CTNNA3: variants seen among roughly 807,000 people sequenced by gnomAD.
CTNNA3 encodes the protein catenin alpha 3.
Under a neutral mutation model 95.7 loss-of-function variants are expected in CTNNA3, and 76 were observed. The observed-to-expected ratio is 0.79, with a 90% CI of 0.66 to 0.96. CTNNA3 has a LOEUF of 0.96. Among genes scored for constraint, CTNNA3 ranks in the 40% least tolerant of loss-of-function variants. The pLI is 0.00. For missense variants in CTNNA3, 1,191 were observed against 1,089.8 expected (o/e 1.09, Z -1.31); for synonymous variants, 431 against 374.4 (o/e 1.15, Z -1.74).
intron 10 of CTNNA3, among the ~76,000 whole-genome samples, chr10:66,548,712 TAAA>T (rs1842115209): frequency 6.6e-6 from 1 of 152,144 alleles, no homozygotes; most frequent in African/African-American, 2.4e-5. Flanking sequence ...TTAAATCAAT[TAAA>T]AATCAATTAC....
chr10:66,954,936 A>C (rs1589485252), intron 7 of CTNNA3, among the ~76,000 whole-genome samples: 1 of 152,294 alleles, frequency 6.6e-6, no homozygotes, highest in African/African-American at 2.4e-5. Context: ...CTCATATATA[A>C]AACGGAAGTA....
chr10:67,563,300 C>T (rs1841610038), intron 3 of CTNNA3, among the ~76,000 whole-genome samples: 1 of 152,160 alleles, frequency 6.6e-6, no homozygotes, highest in Non-Finnish European at 1.5e-5. Context: ...AGATATCAAC[C>T]AATGAAACAG....
At chr10:67,447,666 A>G (rs1263656921) in intron 5 of CTNNA3, among the ~76,000 whole-genome samples, 1 of 152,152 alleles carries the variant, frequency 6.6e-6, no homozygotes, top group Non-Finnish European at 1.5e-5. Flanking sequence ...ACCACCTTGT[A>G]TCAAACAACA....
intron 12 of CTNNA3, among the ~76,000 whole-genome samples, chr10:66,349,998 G>C (rs1023294963): frequency 6.6e-6 from 1 of 152,014 alleles, no homozygotes; most frequent in Non-Finnish European, 1.5e-5. Flanking sequence ...CTCTTCAACT[G>C]CACAGGAATC....
intron 5 of CTNNA3, among the ~76,000 whole-genome samples, chr10:67,326,892 C>T (rs1482251919): frequency 1.3e-5 from 2 of 152,058 alleles, no homozygotes; most frequent in Non-Finnish European, 2.9e-5. Context: ...TTACATAATC[C>T]CATATTTCTT....
chr10:67,585,868 T>G (rs567820321), intron 3 of CTNNA3, among the ~76,000 whole-genome samples: 37 of 152,216 alleles, frequency 2.4e-4, no homozygotes, highest in African/African-American at 8.2e-4. Context: ...CCTGCTAATT[T>G]GGGGTTTTGT....
At chr10:66,700,486 T>C (rs1227835650) in intron 9 of CTNNA3, among the ~76,000 whole-genome samples, 6 of 152,184 alleles carry the variant, frequency 3.9e-5, no homozygotes, top group Non-Finnish European at 8.8e-5. Flanking sequence ...GTTCCATTGG[T>C]CCATGCATCT....
chr10:66,978,552 A>ATATATATATATATATAT (rs1197845049), intron 7 of CTNNA3, among the ~76,000 whole-genome samples: 73 of 37,888 alleles, frequency 1.9e-3, no homozygotes, highest in Non-Finnish European at 2.7e-3. Flanking sequence ...AAAAAAAAAA[A>ATATATATATATATATAT]ATATATATAT....
intron 16 of CTNNA3, among the ~76,000 whole-genome samples, chr10:65,970,227 T>TA (rs1023312052): frequency 1.3e-5 from 2 of 151,946 alleles, no homozygotes; most frequent in Non-Finnish European, 2.9e-5. Context: ...AAACAAGCAC[T>TA]AAAAAAATTA....
chr10:67,703,892 T>A (rs1034507552), intron 1 of CTNNA3, among the ~76,000 whole-genome samples: 3 of 152,140 alleles, frequency 2.0e-5, no homozygotes, highest in Non-Finnish European at 2.9e-5. Context: ...GTCTCAGCCC[T>A]AAATCTCCTT....
chr10:67,107,748 A>C (rs760330876), intron 7 of CTNNA3, among the ~76,000 whole-genome samples: 7 of 149,570 alleles, frequency 4.7e-5, no homozygotes, highest in Middle Eastern at 3.4e-3. Context: ...GCCAGGTGTG[A>C]GGGGGTCCCT....
intron 10 of CTNNA3, among the ~76,000 whole-genome samples, chr10:66,545,817 CA>C (rs1464526108): frequency 6.6e-6 from 1 of 151,780 alleles, no homozygotes; most frequent in Non-Finnish European, 1.5e-5. Flanking sequence ...TGGGTTTTGT[CA>C]TTTGTTATTA....
In CTNNA3 at chr10:67,051,440, ATCTTTTT is replaced by A. The variant is rs1264400453; in HGVS notation, c.1047+128870_1047+128876del. 1.1e-3 allele frequency among the ~76,000 whole-genome samples: 164 copies of A among 147,530 alleles called. 1 individual carries two copies. The highest frequency in any genetic ancestry group is 3.9e-3 in the African/African-American group (155 of 40,190). ...GAAATGCTATCTAATTTCCTTACAC[ATCTTTTT>A]TCTTTTTTCTTTTTTCTTTTTTTTT... On this transcript the variant is annotated intron_variant, in intron 7 of 17. Transcript: ENST00000433211.
rs144217886 is a variant in CTNNA3, at chr10:67,526,211, G to C, written c.460-4250C>G. Among the ~76,000 whole-genome samples, 11 of 152,214 alleles carry C rather than the reference G, an allele frequency of 7.2e-5. No individual in the cohort carries two copies. The East Asian group carries it at 2.1e-3, about 29-fold the overall frequency. On this transcript the variant is annotated intron_variant, in intron 4 of 17. Transcript: ENST00000433211. ...TCAAAAATAAAGTATTACAGAGAAA[G>C]AAATTATTTAATGTTTCTGAATTTA...
At chr10:66,033,814 G>T (rs3847339) in intron 15 of CTNNA3, among the ~76,000 whole-genome samples, 150,329 of 152,264 alleles carry the variant, frequency 0.99, 74,240 homozygotes, top group East Asian at 1. Context: ...ACACGTCATA[G>T]AGAGATATGT....
chr10:66,965,989 A>G (rs1849390947), intron 7 of CTNNA3, among the ~76,000 whole-genome samples: 2 of 152,192 alleles, frequency 1.3e-5, no homozygotes, highest in Non-Finnish European at 2.9e-5. Flanking sequence ...GCTCAGTACC[A>G]TAAAGGCAGT....
intron 4 of CTNNA3, among the ~76,000 whole-genome samples, chr10:67,534,021 CAG>C (rs1240317640): frequency 6.8e-6 from 1 of 147,976 alleles, no homozygotes; most frequent in African/African-American, 2.5e-5. Flanking sequence ...AGAACAAAAA[CAG>C]AAAATGTAGC....
At chr10:66,941,626 G>A (rs1000727612) in intron 7 of CTNNA3, among the ~76,000 whole-genome samples, 2 of 152,156 alleles carry the variant, frequency 1.3e-5, no homozygotes, top group African/African-American at 2.4e-5. Flanking sequence ...TGCAGAACAC[G>A]ATATCAGTCT....
intron 11 of CTNNA3, among the ~76,000 whole-genome samples, chr10:66,465,056 A>G (rs1296676119): frequency 1.3e-5 from 2 of 152,196 alleles, no homozygotes; most frequent in Non-Finnish European, 2.9e-5. Flanking sequence ...AAAATTTCAG[A>G]AACAAGAGAC....
Sources: gnomAD v4.1 joint callset for allele counts (sites outside exome capture counted in the v4.1 genomes callset) on GRCh38, gnomAD v4.1.1 for gene constraint, MANE v1.5 for transcripts, NCBI Gene and HGNC (gene_info 2026-07-23, HGNC 2026-07-21) for gene names.